The following DLG2 variants were observed in gnomAD, a reference collection of about 807,000 sequenced individuals.
DLG2 encodes discs large MAGUK scaffold protein 2, also known as disks large homolog 2.
Under a neutral mutation model 132.5 loss-of-function variants are expected in DLG2, and 45 were observed. The ratio of observed to expected loss-of-function variants is 0.34; its 90% CI spans 0.27 to 0.44. The LOEUF (loss-of-function observed/expected upper bound fraction) is 0.44, where lower values mean the gene tolerates loss of function less well. DLG2 is among the 20% of genes least tolerant of loss of function. The pLI is 1.00. For synonymous variants in DLG2, 424 were observed against 419.6 expected, an observed-to-expected ratio of 1.01 and a Z score of -0.13; for missense variants, 1,045 against 1,196.9, an observed-to-expected ratio of 0.87 and a Z score of 1.87.
intron 14 of DLG2, among the ~76,000 whole-genome samples, chr11:83,957,571 T>TA (rs35511012): frequency 0.16 from 20,778 of 131,654 alleles, 1,692 homozygotes; most frequent in East Asian, 0.36. Flanking sequence ...TTTTTTTTTT[T>TA]AAAAACATAA....
rs575373696 is a variant in DLG2, at chr11:85,470,962, G to A, written c.40+127695C>T. Reference sequence around the variant, plus strand: ...ACGCAACTGTCTTATCTTCTGCCTTGCAACACTTATTTACATTGCAAAGTG... The same window carrying A: ...ACGCAACTGTCTTATCTTCTGCCTTACAACACTTATTTACATTGCAAAGTG... On this transcript the variant is annotated intron_variant, in intron 3 of 27. Coordinates refer to ENST00000376104, the MANE Select transcript of DLG2 (RefSeq NM_001142699.3). 4.6e-5 allele frequency among the ~76,000 whole-genome samples: 7 copies of A among 152,258 alleles called. 1 individual carries two copies. The highest frequency in any genetic ancestry group is 1.7e-4 in the African/African-American group (7 of 41,544).
intron 11 of DLG2, among the ~76,000 whole-genome samples, chr11:84,043,357 A>T (rs1011671502): frequency 2.0e-5 from 3 of 151,764 alleles, no homozygotes; most frequent in African/African-American, 7.3e-5. Flanking sequence ...ATTTTAGGAA[A>T]GAGTGATATG....
intron 18 of DLG2, among the ~76,000 whole-genome samples, chr11:83,649,776 G>A (rs2069487848): frequency 6.6e-6 from 1 of 152,048 alleles, no homozygotes; most frequent in Non-Finnish European, 1.5e-5. Flanking sequence ...AGGAAGGGAG[G>A]CATAAGGGAA....
At chr11:84,914,861 A>C (rs761609992) in intron 6 of DLG2, among the ~76,000 whole-genome samples, 74 of 152,220 alleles carry the variant, frequency 4.9e-4, no homozygotes, top group Admixed American at 7.9e-4. Context: ...TGTGAAGATG[A>C]AATGAGTGAT....
intron 19 of DLG2, among the ~76,000 whole-genome samples, chr11:83,608,185 C>T (rs1486996312): frequency 1.3e-4 from 20 of 152,120 alleles, no homozygotes; most frequent in Admixed American, 1.3e-3. Context: ...GTCAAAAATG[C>T]ATTTAATACA....
Position 85,514,650 on chromosome 11 carries a change from G to C in DLG2, c.40+84007C>G, listed in dbSNP as rs181471725. On this transcript the variant is annotated intron_variant, in intron 3 of 27. Coordinates refer to ENST00000376104, the MANE Select transcript of DLG2 (RefSeq NM_001142699.3). ...CATTCCTCATGTATTTTTACAACTTGTTTTCTCTATGCATTAGCTGTTTTG... is the reference window on the plus strand; with the variant it reads ...CATTCCTCATGTATTTTTACAACTTCTTTTCTCTATGCATTAGCTGTTTTG... 3.3e-5 allele frequency among the ~76,000 whole-genome samples: 5 copies of C among 151,926 alleles called. No individual in the cohort carries two copies. In the East Asian group the frequency reaches 7.7e-4, roughly 24 times the overall value.
At chr11:83,868,092 G>C (rs1001425971) in intron 16 of DLG2, among the ~76,000 whole-genome samples, 15 of 152,140 alleles carry the variant, frequency 9.9e-5, no homozygotes, top group Admixed American at 1.3e-4. Context: ...TGAACTGGGG[G>C]GACAGCGATG....
chr11:85,238,332 C>T (rs2075704166), intron 4 of DLG2, among the ~76,000 whole-genome samples: 1 of 151,498 alleles, frequency 6.6e-6, no homozygotes, highest in Admixed American at 6.6e-5. Context: ...CAACCTCTCC[C>T]TCCTGGGTTC....
chr11:83,721,675 T>C (rs1451821618), intron 18 of DLG2, among the ~76,000 whole-genome samples: 1 of 152,212 alleles, frequency 6.6e-6, no homozygotes, highest in Admixed American at 6.5e-5. Flanking sequence ...CAAAAAGTTA[T>C]AATGCTGTAA....
intron 6 of DLG2, among the ~76,000 whole-genome samples, chr11:85,110,809 C>T (rs563610982): frequency 2.2e-4 from 33 of 152,224 alleles, no homozygotes; most frequent in African/African-American, 7.7e-4. Flanking sequence ...TAGGAAGCTC[C>T]ACATATTACT....
intron 19 of DLG2, among the ~76,000 whole-genome samples, chr11:83,566,779 T>C (rs993434656): frequency 6.6e-6 from 1 of 151,382 alleles, no homozygotes; most frequent in Non-Finnish European, 1.5e-5. Flanking sequence ...AGAAACATTC[T>C]TTCATTCAAA....
chr11:83,784,390 A>C (rs2094954698), intron 18 of DLG2, among the ~76,000 whole-genome samples: 1 of 152,250 alleles, frequency 6.6e-6, no homozygotes, highest in African/African-American at 2.4e-5. Flanking sequence ...AGGAGAGGAA[A>C]GAAATCTGAT....
intron 3 of DLG2, among the ~76,000 whole-genome samples, chr11:85,381,171 G>A (rs1434098607): frequency 2.0e-5 from 3 of 152,188 alleles, no homozygotes; most frequent in Non-Finnish European, 4.4e-5. Context: ...AAAGTATGCA[G>A]CAACCATTGC....
At chr11:83,867,220 T>A (rs2062565815) in intron 16 of DLG2, among the ~76,000 whole-genome samples, 1 of 152,164 alleles carries the variant, frequency 6.6e-6, no homozygotes, top group Non-Finnish European at 1.5e-5. Flanking sequence ...GACTTAAAAA[T>A]GTGGGCTCAA....
intron 6 of DLG2, among the ~76,000 whole-genome samples, chr11:84,585,061 CTAATGACAAAGTCA>C (rs1272818751): frequency 1.3e-5 from 2 of 151,982 alleles, no homozygotes; most frequent in Non-Finnish European, 2.9e-5. Flanking sequence ...GATACGCTTC[CTAATGACAAAGTCA>C]TAATAATATT....
chr11:84,777,267 GTATATGTGTGTGTGTATATA>G (rs2070747654), intron 6 of DLG2, among the ~76,000 whole-genome samples: 2 of 122,308 alleles, frequency 1.6e-5, no homozygotes, highest in African/African-American at 6.2e-5. Flanking sequence ...GTGTGTGTAT[GTATATGTGTGTGTGTATATA>G]TATATATATA....
intron 7 of DLG2, among the ~76,000 whole-genome samples, chr11:84,454,220 A>G (rs2099059198): frequency 1.3e-5 from 2 of 151,486 alleles, no homozygotes; most frequent in African/African-American, 4.8e-5. Context: ...GAGGAAGATG[A>G]TAAGGTACAA....
chr11:85,522,374 G>A (rs2074384173), intron 3 of DLG2, among the ~76,000 whole-genome samples: 1 of 152,176 alleles, frequency 6.6e-6, no homozygotes, highest in Admixed American at 6.5e-5. Context: ...TGCCAGGGTG[G>A]GGCCCTCATG....
At chr11:84,166,500 C>CAAAAAAAAAAAAAAAAAA (rs398016937) in intron 8 of DLG2, among the ~76,000 whole-genome samples, 8 of 80,904 alleles carry the variant, frequency 9.9e-5, no homozygotes, top group East Asian at 3.7e-4. Context: ...GACTCTGCTT[C>CAAAAAAAAAAAAAAAAAA]AAAAAAAAAA....
Sources: gnomAD v4.1 joint callset for allele counts (sites outside exome capture counted in the v4.1 genomes callset) on GRCh38, gnomAD v4.1.1 for gene constraint, MANE v1.5 for transcripts, NCBI Gene and HGNC (gene_info 2026-07-23, HGNC 2026-07-21) for gene names.